The following SNX9 variants were observed in gnomAD, a reference collection of about 807,000 sequenced individuals.
The protein encoded by SNX9 is sorting nexin 9.
In SNX9, 44 loss-of-function variants were observed where a neutral mutation model predicts 89.4. That is an observed-to-expected ratio of 0.49 (90% CI 0.39 to 0.63). SNX9 has a LOEUF of 0.63. Ranked by LOEUF, SNX9 falls within the 30% of genes least tolerant of loss-of-function variation. The pLI, the probability that SNX9 is intolerant of heterozygous loss-of-function variation, is 0.00. For missense variants in SNX9, 578 were observed against 736.1 expected, an observed-to-expected ratio of 0.79 and a Z score of 2.49; for synonymous variants, 236 against 247.8, an observed-to-expected ratio of 0.95 and a Z score of 0.45.
chr6:157,905,241 G>A (rs1270652785), intron 6 of SNX9, among the ~76,000 whole-genome samples: 2 of 152,136 alleles, frequency 1.3e-5, no homozygotes, highest in Non-Finnish European at 2.9e-5. Flanking sequence ...AAGAAGACAC[G>A]GGCCCCTGAG....
At chr6:157,852,774 A>G (rs973198137) in intron 1 of SNX9, among the ~76,000 whole-genome samples, 1 of 152,102 alleles carries the variant, frequency 6.6e-6, no homozygotes, top group Non-Finnish European at 1.5e-5. Context: ...GGGTCTCTCC[A>G]CGGTGCCCTG....
intron 1 of SNX9, among the ~76,000 whole-genome samples, chr6:157,843,182 T>C (rs1018712897): frequency 6.6e-6 from 1 of 152,094 alleles, no homozygotes; most frequent in African/African-American, 2.4e-5. Flanking sequence ...AATGGGAGGA[T>C]GCTTAGGACA....
At chr6:157,927,643 G>A (rs1783721736) in intron 11 of SNX9, among the ~76,000 whole-genome samples, 4 of 151,572 alleles carry the variant, frequency 2.6e-5, no homozygotes, top group Admixed American at 2.6e-4. Flanking sequence ...TTAAATGCAG[G>A]GTCAGTTGAA....
intron 4 of SNX9, among the ~76,000 whole-genome samples, chr6:157,892,021 AT>A (rs1327513623): frequency 6.6e-6 from 1 of 151,520 alleles, no homozygotes; most frequent in African/African-American, 2.4e-5. Context: ...TAATGAAGGG[AT>A]TTTAATTACC....
At chr6:157,906,260 T>TTA in intron 7 of SNX9, 48 bp downstream of exon 7, 1 of 1,444,052 alleles carries the variant, frequency 6.9e-7, no homozygotes, top group Non-Finnish European at 9.5e-7. Flanking sequence ...AAGCTCTTTC[T>TTA]TATACCGTAC....
At chr6:157,890,782 G>C (rs1782841769) in intron 4 of SNX9, among the ~76,000 whole-genome samples, 1 of 152,160 alleles carries the variant, frequency 6.6e-6, no homozygotes. Context: ...TGTCGATTTT[G>C]TTTGTTGCAT....
intron 1 of SNX9, among the ~76,000 whole-genome samples, chr6:157,854,037 C>G (rs1583200586): frequency 6.6e-6 from 1 of 152,212 alleles, no homozygotes; most frequent in East Asian, 1.9e-4. Flanking sequence ...GCCAGTAATT[C>G]CATTTCCTCC....
chr6:157,905,848 G>T (rs1252193945), intron 6 of SNX9, among the ~76,000 whole-genome samples: 1 of 152,152 alleles, frequency 6.6e-6, no homozygotes, highest in Non-Finnish European at 1.5e-5. Context: ...CCTTCACTCT[G>T]GGGTGACCGA....
At chr6:157,914,440 G>A (rs922523468) in intron 9 of SNX9, among the ~76,000 whole-genome samples, 6 of 148,356 alleles carry the variant, frequency 4.0e-5, no homozygotes, top group African/African-American at 1.3e-4. Context: ...ACTTGTCGCA[G>A]CTGTGGCTTG....
intron 4 of SNX9, among the ~76,000 whole-genome samples, chr6:157,888,690 A>G (rs988493266): frequency 2.6e-5 from 4 of 152,238 alleles, no homozygotes; most frequent in Non-Finnish European, 1.5e-5. Flanking sequence ...ACAAGAGGAA[A>G]TAAACATTTA....
At chr6:157,884,958 C>T (rs1437800764) in intron 4 of SNX9, among the ~76,000 whole-genome samples, 2 of 152,138 alleles carry the variant, frequency 1.3e-5, no homozygotes, top group African/African-American at 2.4e-5. Flanking sequence ...GCTTATTTCA[C>T]ATGGACTTCT....
intron 1 of SNX9, among the ~76,000 whole-genome samples, chr6:157,843,621 T>A (rs1189974699): frequency 6.6e-6 from 1 of 152,202 alleles, no homozygotes; most frequent in Non-Finnish European, 1.5e-5. Context: ...AAAGGTTAAC[T>A]GTACTGATTA....
At chr6:157,836,395 A>G (rs529740964) in intron 1 of SNX9, among the ~76,000 whole-genome samples, 36 of 152,288 alleles carry the variant, frequency 2.4e-4, no homozygotes, top group African/African-American at 8.7e-4. Context: ...AGATATGGCA[A>G]TGGTAATAAG....
chr6:157,938,570 T>C (rs1783972386), intron 15 of SNX9, 63 bp from the exon 16 acceptor site: 1 of 1,068,000 alleles, frequency 9.4e-7, no homozygotes, highest in African/African-American at 1.6e-5. Context: ...AGCATTGTTA[T>C]ATTTTAAACT....
chr6:157,861,311 A>G (rs945560239), intron 1 of SNX9, among the ~76,000 whole-genome samples: 1 of 152,222 alleles, frequency 6.6e-6, no homozygotes, highest in Non-Finnish European at 1.5e-5. Context: ...TTTAAGAGCA[A>G]CATTCTGAGA....
chr6:157,844,600 G>GTTTT lies in SNX9; in HGVS notation c.12+21162_12+21165dup, dbSNP rs34836632. Among the ~76,000 whole-genome samples the GTTTT allele has an allele frequency of 3.1e-3, 403 of 131,788 alleles. 11 individuals carry two copies. The highest frequency in any genetic ancestry group is 0.011 in the African/African-American group (387 of 35,246). The allele number at this position is 131,788 out of a possible 152,430, so 86.5% of individuals were successfully genotyped here. A position where few individuals can be genotyped will look rare whatever the true frequency, so the allele number is the denominator to read the frequency against. ...TGGCTAATCCTTGTTTTTTTTTTTTGTTTTTTTTTTTGAGACAGAGTCTCA... is the reference window on the plus strand; with the variant it reads ...TGGCTAATCCTTGTTTTTTTTTTTTGTTTTTTTTTTTTTTTGAGACAGAGTCTCA... On this transcript the variant is annotated intron_variant, in intron 1 of 17. Transcript: ENST00000392185.
At chr6:157,931,079 C>T (rs1431551313) in intron 12 of SNX9, among the ~76,000 whole-genome samples, 4 of 152,208 alleles carry the variant, frequency 2.6e-5, no homozygotes, top group Admixed American at 6.5e-5. Flanking sequence ...GGCCTCAGGC[C>T]GCTCTTTTGT....
intron 1 of SNX9, among the ~76,000 whole-genome samples, chr6:157,863,189 G>T (rs1045078657): frequency 1.3e-5 from 2 of 152,204 alleles, no homozygotes; most frequent in Non-Finnish European, 2.9e-5. Context: ...GGGATGTGGG[G>T]CAGACAGAAT....
At chr6:157,874,595 T>C (rs1782481608) in intron 3 of SNX9, 1 of 153,694 alleles carries the variant, frequency 6.5e-6, no homozygotes, top group East Asian at 1.9e-4. Flanking sequence ...GGGACATCTA[T>C]AGACTGCTTC....
Sources: gnomAD v4.1 joint callset for allele counts (sites outside exome capture counted in the v4.1 genomes callset) on GRCh38, gnomAD v4.1.1 for gene constraint, MANE v1.5 for transcripts, NCBI Gene and HGNC (gene_info 2026-07-23, HGNC 2026-07-21) for gene names.